MGAT4C: variants seen among roughly 807,000 people sequenced by gnomAD.
MGAT4C encodes MGAT4 family member C, also known as alpha-1,3-mannosyl-glycoprotein 4-beta-N-acetylglucosaminyltransferase C.
MGAT4C carries 19 observed loss-of-function variants against 40.1 expected under a neutral mutation model. That is an observed-to-expected ratio of 0.47 (90% CI 0.33 to 0.70). MGAT4C has a LOEUF of 0.70. Ranked by LOEUF, MGAT4C falls within the 30% of genes least tolerant of loss-of-function variation. The pLI is 0.02. For synonymous variants in MGAT4C, 181 were observed against 187.1 expected, an observed-to-expected ratio of 0.97 and a Z score of 0.27; for missense variants, 491 against 563.2, an observed-to-expected ratio of 0.87 and a Z score of 1.30.
chr12:86,677,146 A>T (rs1385595230), intron 2 of MGAT4C, among the ~76,000 whole-genome samples: 1 of 152,154 alleles, frequency 6.6e-6, no homozygotes, highest in Non-Finnish European at 1.5e-5. Context: ...TTTTTAACCA[A>T]TACTTAATTA....
At chr12:86,053,991 T>G (rs1214554342) in intron 1 of MGAT4C, among the ~76,000 whole-genome samples, 1 of 151,960 alleles carries the variant, frequency 6.6e-6, no homozygotes, top group Non-Finnish European at 1.5e-5. Context: ...ACACTGATGG[T>G]GGGGATGTAA....
intron 3 of MGAT4C, among the ~76,000 whole-genome samples, chr12:86,386,112 A>G (rs1177596138): frequency 1.3e-5 from 2 of 151,940 alleles, no homozygotes; most frequent in Non-Finnish European, 2.9e-5. Context: ...TTGTATTTTT[A>G]GTAGAGACGG....
intron 1 of MGAT4C, among the ~76,000 whole-genome samples, chr12:86,824,314 T>G (rs939525266): frequency 5.9e-5 from 9 of 151,548 alleles, no homozygotes; most frequent in Non-Finnish European, 1.2e-4. Flanking sequence ...AGGGAAAATG[T>G]CAAAGTTATC....
intron 1 of MGAT4C, among the ~76,000 whole-genome samples, chr12:86,178,025 C>T (rs1341111068): frequency 1.3e-5 from 2 of 152,146 alleles, no homozygotes; most frequent in African/African-American, 4.8e-5. Context: ...CAAGCTCCGC[C>T]TCCTGGGTTC....
Position 86,607,346 on chromosome 12 carries a change from A to C in MGAT4C, c.-229+119863T>G, listed in dbSNP as rs78941479. 1.4e-3 allele frequency among the ~76,000 whole-genome samples: 208 copies of C among 152,100 alleles called. 1 individual carries two copies. The highest frequency in any genetic ancestry group is 3.5e-3 in the Middle Eastern group (1 of 288). ...AAAATAAGTATAAAAATAGTGCTCA[A>C]TGTTAGTACTTGTATTTTCTGATTT... On this transcript the variant is annotated intron_variant, in intron 2 of 7. Coordinates refer to the MGAT4C transcript ENST00000548651.
In MGAT4C at chr12:85,970,706, A is replaced by G. The variant is rs183969604; in HGVS notation, c.*8583T>C. On this transcript the variant is annotated 3_prime_UTR_variant, in exon 5 of 5. Transcript: ENST00000611864. ...ACAGTGCTTGTACAATTCAGATATTATTTTGCTTTGAAGTCAAATAGAGGA... is the reference window on the plus strand; with the variant it reads ...ACAGTGCTTGTACAATTCAGATATTGTTTTGCTTTGAAGTCAAATAGAGGA... 18 of 151,450 alleles carry G rather than the reference A, an allele frequency of 1.2e-4. No homozygotes were observed. Among genetic ancestry groups the G allele is most frequent in the African/African-American group, 3.6e-4 (15 of 41,506 alleles). The allele number at this position is 151,450 out of a possible 1,614,324, so 9.4% of individuals were successfully genotyped here. A position where few individuals can be genotyped will look rare whatever the true frequency, so the allele number is the denominator to read the frequency against.
chr12:86,770,780 A>T lies in MGAT4C; in HGVS notation c.-261-43539T>A, dbSNP rs189578285. The stretch of plus-strand genomic sequence containing the variant: ...TGAAATTTAGGTGTCAAATTAGAAA[A>T]AGGGAAAAAATAATAATTTTGGAAT... On this transcript the variant is annotated intron_variant, in intron 1 of 7. Transcript: ENST00000548651. Among the ~76,000 whole-genome samples the T allele has an allele frequency of 9.0e-3, 1,367 of 152,190 alleles. 12 individuals are homozygous for T. Among genetic ancestry groups the T allele is most frequent in the Non-Finnish European group, 0.016 (1,065 of 67,998 alleles).
At chr12:86,146,160 G>T (rs1364803106) in intron 1 of MGAT4C, among the ~76,000 whole-genome samples, 1 of 152,074 alleles carries the variant, frequency 6.6e-6, no homozygotes, top group Non-Finnish European at 1.5e-5. Flanking sequence ...TCTATGATCC[G>T]AAGACCTGAA....
chr12:86,819,239 A>G (rs928300396), intron 1 of MGAT4C, among the ~76,000 whole-genome samples: 10 of 151,004 alleles, frequency 6.6e-5, no homozygotes, highest in African/African-American at 2.4e-4. Flanking sequence ...TGAGAAATAA[A>G]AAACTGAAGC....
intron 3 of MGAT4C, among the ~76,000 whole-genome samples, chr12:86,433,970 C>T (rs1288085098): frequency 6.6e-6 from 1 of 151,892 alleles, no homozygotes; most frequent in African/African-American, 2.4e-5. Flanking sequence ...AGCAATGTAC[C>T]TAATCAATAA....
At chr12:86,733,624 A>G (rs985401753) in intron 1 of MGAT4C, among the ~76,000 whole-genome samples, 1 of 152,130 alleles carries the variant, frequency 6.6e-6, no homozygotes, top group African/African-American at 2.4e-5. Flanking sequence ...GTACATCACA[A>G]TAGATGTCAG....
intron 2 of MGAT4C, among the ~76,000 whole-genome samples, chr12:86,442,128 T>C (rs1957241697): frequency 6.6e-6 from 1 of 152,210 alleles, no homozygotes. Flanking sequence ...GTCTGTTGGC[T>C]GCATAAATGT....
chr12:86,575,146 C>T (rs778538458), intron 2 of MGAT4C, among the ~76,000 whole-genome samples: 11 of 151,662 alleles, frequency 7.3e-5, no homozygotes, highest in African/African-American at 9.7e-5. Flanking sequence ...TTCATGTCAC[C>T]AGAATTAGCT....
Position 86,019,633 on chromosome 12 carries a change from C to T in MGAT4C, c.-7+30041G>A, listed in dbSNP as rs549132611. On this transcript the variant is annotated intron_variant, in intron 2 of 4. Coordinates refer to ENST00000611864, the MANE Select transcript of MGAT4C (RefSeq NM_001351288.2). ...TTGAAGTCAGGTAGCGTGATGCCTC[C>T]AGCCTTGTTCTTTTGGCTTAGGATA... 5.3e-5 allele frequency among the ~76,000 whole-genome samples: 8 copies of T among 152,232 alleles called. No homozygotes were observed. In the East Asian group the frequency reaches 1.5e-3, roughly 29 times the overall value.
At chr12:86,585,473 A>C (rs556052763) in intron 2 of MGAT4C, among the ~76,000 whole-genome samples, 1 of 151,594 alleles carries the variant, frequency 6.6e-6, no homozygotes, top group African/African-American at 2.4e-5. Flanking sequence ...ATATTACATT[A>C]ATTAAAAATG....
At chr12:86,801,845 A>T (rs879311798) in intron 1 of MGAT4C, among the ~76,000 whole-genome samples, 14,514 of 151,698 alleles carry the variant, frequency 0.096, 941 homozygotes, top group Non-Finnish European at 0.14. Flanking sequence ...AGAAATAGGT[A>T]ATACAAAATG....
chr12:86,290,687 G>A (rs1189604732), intron 4 of MGAT4C, among the ~76,000 whole-genome samples: 2 of 150,182 alleles, frequency 1.3e-5, no homozygotes, highest in African/African-American at 2.5e-5. Context: ...TGTATATATC[G>A]CCTCTGAAGC....
chr12:86,268,277 T>A (rs1248771938), intron 4 of MGAT4C, among the ~76,000 whole-genome samples: 1 of 152,064 alleles, frequency 6.6e-6, no homozygotes, highest in Non-Finnish European at 1.5e-5. Flanking sequence ...GCTAAAGACA[T>A]CCTTAATTGA....
chr12:86,341,649 G>A (rs1257716144), intron 3 of MGAT4C, among the ~76,000 whole-genome samples: 1 of 152,206 alleles, frequency 6.6e-6, no homozygotes, highest in South Asian at 2.1e-4. Flanking sequence ...CATCTTTGCT[G>A]TTCAGGAGCC....
Sources: allele counts gnomAD v4.1 joint callset (sites outside exome capture counted in the v4.1 genomes callset), GRCh38; gene constraint gnomAD v4.1.1; transcripts MANE v1.5; gene names NCBI Gene and HGNC (gene_info 2026-07-23, HGNC 2026-07-21).